PRSS23: variants seen among roughly 807,000 people sequenced by gnomAD.
PRSS23 encodes the protein serine protease 23.
PRSS23 carries 25 observed loss-of-function variants against 34.7 expected under a neutral mutation model. The ratio of observed to expected loss-of-function variants is 0.72; its 90% CI spans 0.53 to 1.01. PRSS23 has a LOEUF of 1.01. Among genes scored for constraint, PRSS23 ranks in the 50% least tolerant of loss-of-function variants. PRSS23 has a pLI of 0.00. For missense variants in PRSS23, 445 were observed against 475.6 expected (o/e 0.94, Z 0.60); for synonymous variants, 176 against 186.6 (o/e 0.94, Z 0.46).
intron 2 of PRSS23, among the ~76,000 whole-genome samples, chr11:86,855,845 A>G (rs1948566377): frequency 6.6e-6 from 1 of 152,116 alleles, no homozygotes. Flanking sequence ...GACATGTAAT[A>G]TTTGTCATTC....
At chr11:86,799,108 C>G (rs182896820), upstream of PRSS23, among the ~76,000 whole-genome samples, 18 of 152,192 alleles carry the variant, frequency 1.2e-4, no homozygotes, top group Admixed American at 9.2e-4. Context: ...TTAAGAAATA[C>G]CAGGCCGGGA....
chr11:86,814,526 G>C (rs1948202013), downstream of PRSS23, among the ~76,000 whole-genome samples: 1 of 152,192 alleles, frequency 6.6e-6, no homozygotes, highest in Non-Finnish European at 1.5e-5. Flanking sequence ...TTGTGCTTCA[G>C]GTTATGTTTA....
chr11:86,889,839 C>T (rs1466416406), intron 2 of PRSS23, among the ~76,000 whole-genome samples: 1 of 152,212 alleles, frequency 6.6e-6, no homozygotes, highest in Non-Finnish European at 1.5e-5. Flanking sequence ...TCCCTTCTTT[C>T]TCTGATGTGC....
chr11:86,889,569 A>G (rs532979025), intron 2 of PRSS23, among the ~76,000 whole-genome samples: 59 of 152,330 alleles, frequency 3.9e-4, no homozygotes, highest in African/African-American at 1.3e-3. Context: ...AAGTCTTTTT[A>G]TAAGGGTGAT....
chr11:86,828,088 G>C (rs1948318503), intron 2 of PRSS23, among the ~76,000 whole-genome samples: 1 of 152,220 alleles, frequency 6.6e-6, no homozygotes, highest in South Asian at 2.1e-4. Context: ...AATGTTGACA[G>C]TGGAGTGTTA....
intron 2 of PRSS23, among the ~76,000 whole-genome samples, chr11:86,908,677 G>T (rs1309251285): frequency 1.3e-5 from 2 of 152,000 alleles, no homozygotes; most frequent in African/African-American, 4.8e-5. Context: ...CATGGAAAAT[G>T]TTTATTAGGT....
intron 2 of PRSS23, among the ~76,000 whole-genome samples, chr11:86,915,760 C>A (rs1949008616): frequency 6.6e-6 from 1 of 151,802 alleles, no homozygotes; most frequent in South Asian, 2.1e-4. Context: ...TTTGAAAGAG[C>A]ATAATGGGTC....
chr11:86,821,863 C>A, intron 1 of PRSS23: 9 of 401,084 alleles, frequency 2.2e-5, no homozygotes, highest in South Asian at 1.2e-4. Flanking sequence ...AGTAAGAGTA[C>A]CAATAATTTT....
Position 86,855,546 on chromosome 11 carries a change from A to G in PRSS23, c.206+31953A>G, listed in dbSNP as rs2511874. Among the ~76,000 whole-genome samples the G allele has an allele frequency of 6.8e-3, 1,037 of 152,154 alleles. 47 individuals carry two copies. The highest frequency in any genetic ancestry group is 0.062 in the Admixed American group (947 of 15,282). Reference sequence around the variant, plus strand: ...AGTCTCGTTCTCTTGCCCAGGTTGGAGTATAGAGGCATGATCTTGGCTCAC... The same window carrying G: ...AGTCTCGTTCTCTTGCCCAGGTTGGGGTATAGAGGCATGATCTTGGCTCAC... On this transcript the variant is annotated intron_variant, in intron 2 of 2. Coordinates refer to the PRSS23 transcript ENST00000533902.
Position 86,808,530 on chromosome 11 carries a change from A to T in PRSS23, c.887A>T (p.Asp296Val). 6.2e-7 allele frequency: 1 copy of T among 1,614,224 alleles called. No homozygotes were observed. Among genetic ancestry groups the T allele is most frequent in the East Asian group, 2.2e-5 (1 of 44,890 alleles). ...RPGNLVYRFC[D>V]VKDETYDLLY... ...GGCAATTTGGTGTATCGCTTCTGTG[A>T]CGTCAAAGACGAGACCTATGACTTG... The change falls in exon 2 of 2, where the codon GAC becomes GTC. Residue 296 changes from aspartate to valine, a missense_variant. Asp to Val is a radical substitution (Grantham distance 152, BLOSUM62 -3). Transcript: ENST00000280258.
intron 2 of PRSS23, among the ~76,000 whole-genome samples, chr11:86,907,174 T>C (rs1245638837): frequency 6.6e-6 from 1 of 152,242 alleles, no homozygotes; most frequent in African/African-American, 2.4e-5. Context: ...TGTATATACG[T>C]ACATGTATAT....
At chr11:86,832,598 T>C in intron 2 of PRSS23, 2 of 488,598 alleles carry the variant, frequency 4.1e-6, no homozygotes, top group African/African-American at 2.0e-5. Flanking sequence ...GATGAAGGGG[T>C]TCAGCATGGG....
upstream of PRSS23, among the ~76,000 whole-genome samples, chr11:86,799,685 A>AC (rs570077939): frequency 5.8e-4 from 88 of 151,294 alleles, 1 homozygote; most frequent in African/African-American, 2.0e-3. Context: ...CTCCCCGCAC[A>AC]CCCCCCTACC....
At chr11:86,888,650 A>G (rs987037566) in intron 2 of PRSS23, among the ~76,000 whole-genome samples, 3 of 152,226 alleles carry the variant, frequency 2.0e-5, no homozygotes, top group African/African-American at 4.8e-5. Context: ...GAGAGATTGC[A>G]TGATCATTTC....
At chr11:86,950,422 A>G (rs1008567356) in intron 2 of PRSS23, 1 of 152,730 alleles carries the variant, frequency 6.5e-6, no homozygotes, top group Non-Finnish European at 1.5e-5. Flanking sequence ...TGAAGAAAAC[A>G]GCAGCAGCCA....
At chr11:86,794,145 A>G (rs545113266) in intron 1 of PRSS23, among the ~76,000 whole-genome samples, 1 of 152,184 alleles carries the variant, frequency 6.6e-6, no homozygotes, top group Non-Finnish European at 1.5e-5. Flanking sequence ...ACATTTATGG[A>G]TAAATATAAA....
At position 86,810,252 on chromosome 11, in the gene PRSS23, C is replaced by T. The variant is rs776414413; in HGVS notation, c.*1457C>T. On this transcript the variant is annotated 3_prime_UTR_variant, in exon 2 of 2. Coordinates refer to ENST00000280258, the MANE Select transcript of PRSS23 (RefSeq NM_007173.6). ...GAAAAAATCAAATGGACTACAAGCA[C>T]GTGTTTGCTGTGCTTGCACCCCAGG... The T allele has an allele frequency of 9.0e-5, 15 of 166,766 alleles. No homozygotes were observed. Among genetic ancestry groups the T allele is most frequent in the Non-Finnish European group, 2.1e-4 (14 of 68,120 alleles). The allele number at this position is 166,766 out of a possible 1,614,324, so 10.3% of individuals were successfully genotyped here.
intron 2 of PRSS23, among the ~76,000 whole-genome samples, chr11:86,929,119 C>T (rs1392767128): frequency 6.6e-5 from 10 of 152,004 alleles, no homozygotes; most frequent in African/African-American, 2.4e-4. Flanking sequence ...GTTGGGAGTT[C>T]AGGACCAGCC....
chr11:86,915,560 CTA>C (rs1398056492), intron 2 of PRSS23, among the ~76,000 whole-genome samples: 3 of 147,706 alleles, frequency 2.0e-5, no homozygotes, highest in African/African-American at 7.4e-5. Flanking sequence ...ATATATAAAA[CTA>C]ATATATAATG....
Sources: gnomAD v4.1 joint callset for allele counts (sites outside exome capture counted in the v4.1 genomes callset) on GRCh38, gnomAD v4.1.1 for gene constraint, MANE v1.5 for transcripts, NCBI Gene and HGNC (gene_info 2026-07-23, HGNC 2026-07-21) for gene names.